Variants in NXF3 observed in about 807,000 individuals in gnomAD.
NXF3 encodes the protein TAP-like protein 3.
A neutral mutation model predicts 48.4 loss-of-function variants in NXF3; 34 were observed. The ratio of observed to expected loss-of-function variants is 0.70; its 90% CI spans 0.53 to 0.93. NXF3 has a LOEUF of 0.93. NXF3 is among the 40% of genes least tolerant of loss of function. The pLI is 0.00. For missense variants in NXF3, 359 were observed against 406.1 expected, an observed-to-expected ratio of 0.88 and a Z score of 1.00; for synonymous variants, 132 against 145.7, an observed-to-expected ratio of 0.91 and a Z score of 0.68.
intron 17 of NXF3, 63 bp downstream of exon 17, chrX:103,078,497 C>T: frequency 1.7e-6 from 2 of 1,202,284 alleles, no homozygotes; most frequent in Non-Finnish European, 2.3e-6. Context: ...ACTGCACCAC[C>T]ACATTCCCAC....
At position 103,090,716 on chromosome X, in the gene NXF3, C is replaced by G. The variant is rs1238637056; in HGVS notation, c.28+2280G>C. ...GGGAGGGATAGAAGGTGGGGGTGATCTGCTTGCTTCTTTTACCACAGGTGA... is the reference window on the plus strand; with the variant it reads ...GGGAGGGATAGAAGGTGGGGGTGATGTGCTTGCTTCTTTTACCACAGGTGA... On this transcript the variant is annotated intron_variant, in intron 1 of 19. Transcript: ENST00000395065. Among the ~76,000 whole-genome samples the G allele has an allele frequency of 2.7e-5, 3 of 111,439 alleles. No homozygotes were observed. The East Asian group carries it at 8.4e-4, about 31-fold the overall frequency.
chrX:103,087,833 C>T (rs1922190328), intron 1 of NXF3: 1 of 932,486 alleles, frequency 1.1e-6, no homozygotes, highest in Admixed American at 2.3e-5. Flanking sequence ...TTCAGAAGAC[C>T]TTTTCAATGT....
chrX:103,080,639 A>G (rs1475233747), intron 9 of NXF3, 27 bp from the exon 10 acceptor site: 12 of 1,199,011 alleles, frequency 1.0e-5, no homozygotes, highest in African/African-American at 1.7e-5. Context: ...CAAAATGGAC[A>G]ACGGTAAGTG....
chrX:103,083,570 G>T, intron 4 of NXF3, 39 bp downstream of exon 4: 1 of 1,175,839 alleles, frequency 8.5e-7, no homozygotes, highest in Non-Finnish European at 1.2e-6. Context: ...CCCCCAACCT[G>T]TCCTGTTTTC....
At position 103,076,367 on chromosome X, in the gene NXF3, G is replaced by A; in HGVS notation, c.1585-66C>T. On this transcript the variant is annotated intron_variant, in intron 18 of 19. Transcript: ENST00000395065. ...AGTGCAGACACTCTGACAATACAAT[G>A]CCATTTCTTAATCTATGCAACAGAA... 4 of 1,070,361 alleles carry A rather than the reference G, an allele frequency of 3.7e-6. No homozygotes were observed. The Middle Eastern group carries it at 1.0e-3, about 266-fold the overall frequency. 88.2% of individuals were successfully genotyped at this position (1,070,361 alleles called of 1,213,427 possible). A position where few individuals can be genotyped will look rare whatever the true frequency, so the allele number is the denominator to read the frequency against.
At chrX:103,077,336 C>T (rs767801836) in intron 18 of NXF3, among the ~76,000 whole-genome samples, 18 of 106,199 alleles carry the variant, frequency 1.7e-4, no homozygotes, top group Non-Finnish European at 3.1e-4. Flanking sequence ...CTGCGAGCTC[C>T]GCCTCCTGGG....
chrX:103,076,896 C>T (rs1487571295), intron 18 of NXF3, among the ~76,000 whole-genome samples: 1 of 110,593 alleles, frequency 9.0e-6, no homozygotes, highest in Admixed American at 9.7e-5. Flanking sequence ...AAATTGTGTA[C>T]TTCTCAATAT....
At chrX:103,080,275 G>A (rs932243876) in intron 10 of NXF3, 59 bp from the exon 11 acceptor site, 3 of 1,085,383 alleles carry the variant, frequency 2.8e-6, no homozygotes, top group Non-Finnish European at 3.8e-6. Flanking sequence ...AGAAAATTAC[G>A]GAAAAGGATA....
intron 9 of NXF3, 130 bp downstream of exon 9, chrX:103,082,125 G>C (rs1209901664): frequency 1.9e-6 from 1 of 531,998 alleles, no homozygotes. Context: ...GTGACACAGA[G>C]AGAGGAGTGG....
At chrX:103,085,900 CAA>C (rs56135590) in intron 1 of NXF3, among the ~76,000 whole-genome samples, 29 of 43,535 alleles carry the variant, frequency 6.7e-4, no homozygotes, top group Middle Eastern at 0.017. Context: ...GAGACTCTGT[CAA>C]AAAAAAAAAA....
rs1921864574 is a variant in NXF3 at position 103,076,100 on chromosome X, T to C, written c.*50-100A>G. 6 of 470,179 alleles carry C rather than the reference T, an allele frequency of 1.3e-5. No homozygotes were observed. In the Admixed American group the frequency reaches 1.3e-4, roughly 10 times the overall value. The allele number at this position is 470,179 out of a possible 1,213,427, so 38.7% of individuals were successfully genotyped here. On this transcript the variant is annotated intron_variant, in intron 19 of 19. Transcript: ENST00000395065. ...GTTTTCAGGATCCTAGGTCAGTCTG[T>C]GTGAGGGCCTTCTCTAGGATCTTGC...
In NXF3 at chrX:103,091,389, G is replaced by A. The variant is rs187151254; in HGVS notation, c.28+1607C>T. Reference sequence around the variant, plus strand: ...ATTGCAGATCAAAAATAATAGGAGAGAAAAATATAAAAATAATACAAATAA... The same window carrying A: ...ATTGCAGATCAAAAATAATAGGAGAAAAAAATATAAAAATAATACAAATAA... On this transcript the variant is annotated intron_variant, in intron 1 of 19. Transcript: ENST00000395065. 1.9e-3 allele frequency among the ~76,000 whole-genome samples: 218 copies of A among 111,843 alleles called. 2 individuals are homozygous for A. The East Asian group carries it at 0.021, about 11-fold the overall frequency.
intron 1 of NXF3, chrX:103,087,709 G>A (rs763925000): frequency 2.1e-4 from 221 of 1,029,622 alleles, no homozygotes; most frequent in Non-Finnish European, 2.9e-4. Context: ...TTCCATCACA[G>A]TCAAAACTGG....
intron 1 of NXF3, chrX:103,087,506 A>G: frequency 9.8e-7 from 1 of 1,019,503 alleles, no homozygotes; most frequent in Non-Finnish European, 1.4e-6. Context: ...CAACTTCACA[A>G]TGAAACCTAT....
At position 103,080,521 on chromosome X, in the gene NXF3, T is replaced by C. The variant is rs1291298523; in HGVS notation, c.927+55A>G. On this transcript the variant is annotated intron_variant, in intron 10 of 19. Transcript: ENST00000395065. ...CAATATCTAAAGGGGTTTGGGGCAG[T>C]TGGGGGCAGCATCAGTCCCAATTAG... The C allele has an allele frequency of 1.2e-5, 13 of 1,101,935 alleles. No homozygotes were observed. In the African/African-American group the frequency reaches 1.8e-4, roughly 15 times the overall value. The allele number at this position is 1,101,935 out of a possible 1,213,427, so 90.8% of individuals were successfully genotyped here.
chrX:103,089,135 A>G lies in NXF3; in HGVS notation c.28+3861T>C, dbSNP rs12557039. On this transcript the variant is annotated intron_variant, in intron 1 of 19. Coordinates refer to ENST00000395065, the MANE Select transcript of NXF3 (RefSeq NM_022052.2). ...CTCCATCTATACTGGAAAAACACTA[A>G]CTAATTCATGCAGGGCAGAAACTAT... 1.1e-4 allele frequency: 89 copies of G among 820,490 alleles called. No homozygotes were observed. The Admixed American group carries it at 1.9e-3, about 18-fold the overall frequency. 67.6% of individuals were successfully genotyped at this position (820,490 alleles called of 1,213,427 possible). A position where few individuals can be genotyped will look rare whatever the true frequency, so the allele number is the denominator to read the frequency against.
chrX:103,077,774 C>A, intron 17 of NXF3, 28 bp from the exon 18 acceptor site: 1 of 1,205,806 alleles, frequency 8.3e-7, no homozygotes, highest in Non-Finnish European at 1.1e-6. Flanking sequence ...CATCAGGTAG[C>A]CGGAGAGAAG....
chrX:103,081,408 C>G (rs935966651), intron 9 of NXF3: 7 of 112,395 alleles, frequency 6.2e-5, no homozygotes, highest in African/African-American at 2.3e-4. Flanking sequence ...TGGGGACCCC[C>G]TCTCCCGACC....
intron 1 of NXF3, among the ~76,000 whole-genome samples, chrX:103,092,576 G>C (rs752905486): frequency 8.9e-6 from 1 of 112,586 alleles, no homozygotes; most frequent in Non-Finnish European, 1.9e-5. Context: ...TAATAAGTTT[G>C]CTTAAATGAC....
Sources: gnomAD v4.1 joint callset for allele counts (sites outside exome capture counted in the v4.1 genomes callset) on GRCh38, gnomAD v4.1.1 for gene constraint, MANE v1.5 for transcripts, NCBI Gene and HGNC (gene_info 2026-07-23, HGNC 2026-07-21) for gene names.